SPOCK1: variants seen among roughly 807,000 people sequenced by gnomAD.
SPOCK1 encodes the protein testican-1.
A neutral mutation model predicts 55.3 loss-of-function variants in SPOCK1; 23 were observed. That is an observed-to-expected ratio of 0.42 (90% CI 0.30 to 0.59). The LOEUF (loss-of-function observed/expected upper bound fraction) is 0.59, where lower values mean the gene tolerates loss of function less well. Among genes scored for constraint, SPOCK1 ranks in the 20% least tolerant of loss-of-function variants. The probability of loss-of-function intolerance (pLI) is 0.22; values close to 1 mark genes in which losing one functional copy is unlikely to be tolerated. For missense variants in SPOCK1, 499 were observed against 552.5 expected, an observed-to-expected ratio of 0.90 and a Z score of 0.97; for synonymous variants, 226 against 221.0, an observed-to-expected ratio of 1.02 and a Z score of -0.20.
intron 2 of SPOCK1, among the ~76,000 whole-genome samples, chr5:137,408,607 T>C (rs1161818445): frequency 6.6e-6 from 1 of 152,236 alleles, no homozygotes; most frequent in Non-Finnish European, 1.5e-5. Flanking sequence ...CTTAAGCTCC[T>C]AGCTGTGGCC....
chr5:137,040,726 T>C lies in SPOCK1; in HGVS notation c.589+26989A>G, dbSNP rs183036373. Among the ~76,000 whole-genome samples, 200 of 152,346 alleles carry C rather than the reference T, an allele frequency of 1.3e-3. 7 individuals are homozygous for C. The highest frequency in any genetic ancestry group is 3.4e-3 in the Middle Eastern group (1 of 294). Reference sequence around the variant, plus strand: ...TGTTGTTGTTGTTAAAAACAATCAATTTCACATCTCTCTGTATTAATCATC... The same window carrying C: ...TGTTGTTGTTGTTAAAAACAATCAACTTCACATCTCTCTGTATTAATCATC... On this transcript the variant is annotated intron_variant, in intron 6 of 10. Transcript: ENST00000394945.
At chr5:137,244,990 G>C (rs768512129) in intron 3 of SPOCK1, among the ~76,000 whole-genome samples, 1 of 152,138 alleles carries the variant, frequency 6.6e-6, no homozygotes, top group Non-Finnish European at 1.5e-5. Flanking sequence ...AGAGAAAATT[G>C]CTCATAGAAA....
intron 2 of SPOCK1, among the ~76,000 whole-genome samples, chr5:137,464,850 T>C (rs926994939): frequency 1.3e-5 from 2 of 152,110 alleles, no homozygotes; most frequent in African/African-American, 2.4e-5. Context: ...TGAGCATATA[T>C]GTGGTAGCAG....
chr5:137,468,897 A>C (rs950961016), intron 2 of SPOCK1, among the ~76,000 whole-genome samples: 5 of 152,200 alleles, frequency 3.3e-5, no homozygotes, highest in African/African-American at 1.2e-4. Context: ...CATGCCGACA[A>C]CTGTCCCCTC....
chr5:137,379,424 G>A (rs973128588), intron 2 of SPOCK1, among the ~76,000 whole-genome samples: 4 of 152,088 alleles, frequency 2.6e-5, no homozygotes, highest in African/African-American at 9.7e-5. Context: ...AAAGTCCTGG[G>A]TAATATGCGA....
chr5:137,288,427 A>T (rs1167023522), intron 2 of SPOCK1, among the ~76,000 whole-genome samples: 1 of 152,152 alleles, frequency 6.6e-6, no homozygotes, highest in East Asian at 1.9e-4. Flanking sequence ...ATCCTACACA[A>T]TGCTTCCCCT....
intron 3 of SPOCK1, among the ~76,000 whole-genome samples, chr5:137,256,794 C>T (rs1203882813): frequency 6.6e-6 from 1 of 152,042 alleles, no homozygotes; most frequent in Non-Finnish European, 1.5e-5. Flanking sequence ...CAGAGGGACC[C>T]CAAGGACGCA....
At chr5:137,254,551 G>A (rs1425448945) in intron 3 of SPOCK1, among the ~76,000 whole-genome samples, 1 of 152,154 alleles carries the variant, frequency 6.6e-6, no homozygotes, top group African/African-American at 2.4e-5. Context: ...ATTTTATTGA[G>A]CACATCAGCA....
intron 2 of SPOCK1, among the ~76,000 whole-genome samples, chr5:137,269,423 C>T (rs1031129774): frequency 2.0e-5 from 3 of 152,142 alleles, no homozygotes; most frequent in Non-Finnish European, 4.4e-5. Flanking sequence ...AGAGAGGAAA[C>T]CTCACATCAG....
At chr5:137,323,453 C>A (rs1488988441) in intron 2 of SPOCK1, among the ~76,000 whole-genome samples, 4 of 151,794 alleles carry the variant, frequency 2.6e-5, no homozygotes, top group Admixed American at 6.6e-5. Context: ...ATAAAAGGGC[C>A]AATTCACCAG....
chr5:136,983,956 A>G (rs1045406289), intron 9 of SPOCK1, among the ~76,000 whole-genome samples: 1 of 152,250 alleles, frequency 6.6e-6, no homozygotes, highest in African/African-American at 2.4e-5. Context: ...ATGTTTTAAT[A>G]AACAGCAATG....
intron 2 of SPOCK1, among the ~76,000 whole-genome samples, chr5:137,346,133 G>A (rs1239945747): frequency 6.6e-6 from 1 of 152,170 alleles, no homozygotes; most frequent in Non-Finnish European, 1.5e-5. Context: ...TTCTGTTAAG[G>A]CCTCAACTCT....
intron 2 of SPOCK1, among the ~76,000 whole-genome samples, chr5:137,483,902 G>A (rs1453737715): frequency 6.6e-6 from 1 of 152,204 alleles, no homozygotes; most frequent in Non-Finnish European, 1.5e-5. Flanking sequence ...ATGATGCTGA[G>A]ACAGCACCCG....
At chr5:137,025,885 C>G (rs1170832131) in intron 6 of SPOCK1, among the ~76,000 whole-genome samples, 7 of 152,224 alleles carry the variant, frequency 4.6e-5, no homozygotes, top group African/African-American at 1.7e-4. Flanking sequence ...GAGCCTCCTT[C>G]TAGCTGCAGG....
intron 6 of SPOCK1, among the ~76,000 whole-genome samples, chr5:137,037,650 C>T (rs1751909481): frequency 6.6e-6 from 1 of 152,158 alleles, no homozygotes. Flanking sequence ...CTCCCTTAGC[C>T]TCACTTGCAG....
At chr5:136,981,755 T>C (rs984850817) in intron 9 of SPOCK1, among the ~76,000 whole-genome samples, 3 of 152,200 alleles carry the variant, frequency 2.0e-5, no homozygotes, top group East Asian at 3.8e-4. Flanking sequence ...CAGGAATACA[T>C]ATATAAGCAT....
intron 3 of SPOCK1, 22 bp downstream of exon 3, chr5:137,266,988 C>A: frequency 6.2e-7 from 1 of 1,607,102 alleles, no homozygotes; most frequent in African/African-American, 1.3e-5. Context: ...GACTATACAG[C>A]AAGAAATATT....
chr5:137,468,314 A>AC (rs1178059602), intron 2 of SPOCK1, among the ~76,000 whole-genome samples: 3 of 152,220 alleles, frequency 2.0e-5, no homozygotes, highest in African/African-American at 4.8e-5. Context: ...TCCCGTGCTT[A>AC]AAGGATAAAC....
chr5:136,995,901 A>G (rs112213281), intron 6 of SPOCK1, among the ~76,000 whole-genome samples: 4 of 152,304 alleles, frequency 2.6e-5, no homozygotes, highest in African/African-American at 9.6e-5. Flanking sequence ...CCCGAAATGG[A>G]AAGAGGAGGC....
Sources: gnomAD v4.1 joint callset for allele counts (sites outside exome capture counted in the v4.1 genomes callset) on GRCh38, gnomAD v4.1.1 for gene constraint, MANE v1.5 for transcripts, NCBI Gene and HGNC (gene_info 2026-07-23, HGNC 2026-07-21) for gene names.